The following EHBP1 variants were observed in gnomAD, a reference collection of about 807,000 sequenced individuals.
The protein encoded by EHBP1 is EH domain binding protein 1.
In EHBP1, 55 loss-of-function variants were observed where a neutral mutation model predicts 144.0. The observed-to-expected ratio is 0.38, with a 90% CI of 0.31 to 0.48. The LOEUF (loss-of-function observed/expected upper bound fraction) is 0.48. Among genes scored for constraint, EHBP1 ranks in the 20% least tolerant of loss-of-function variants. The pLI is 0.98. For missense variants in EHBP1, 1,200 were observed against 1,364.2 expected, an observed-to-expected ratio of 0.88 and a Z score of 1.90; for synonymous variants, 469 against 472.7, an observed-to-expected ratio of 0.99 and a Z score of 0.10.
At chr2:62,898,023 G>A (rs1197094663) in intron 10 of EHBP1, among the ~76,000 whole-genome samples, 1 of 152,118 alleles carries the variant, frequency 6.6e-6, no homozygotes, top group Non-Finnish European at 1.5e-5. Flanking sequence ...CTGAGCATGA[G>A]GACCAGAATA....
chr2:62,684,541 T>C (rs555098321), intron 1 of EHBP1, among the ~76,000 whole-genome samples: 1 of 152,206 alleles, frequency 6.6e-6, no homozygotes, highest in South Asian at 2.1e-4. Context: ...TTAGGAGCCA[T>C]GGATTTGATT....
intron 14 of EHBP1, chr2:62,955,953 C>T (rs1452691720): frequency 1.8e-5 from 4 of 224,540 alleles, no homozygotes; most frequent in Admixed American, 5.7e-5. Context: ...TAGTTGTACT[C>T]TAAGATTGTA....
chr2:63,021,613 T>G (rs1228179424), intron 19 of EHBP1, among the ~76,000 whole-genome samples: 1 of 152,200 alleles, frequency 6.6e-6, no homozygotes, highest in Non-Finnish European at 1.5e-5. Flanking sequence ...CCTAAGAAGA[T>G]TAACCAACAT....
chr2:62,780,364 G>A (rs2042340046), intron 5 of EHBP1, among the ~76,000 whole-genome samples: 1 of 152,042 alleles, frequency 6.6e-6, no homozygotes, highest in South Asian at 2.1e-4. Context: ...CTGGCTGTCT[G>A]TAAATTAGGC....
At chr2:62,828,593 G>A (rs1415642200) in intron 6 of EHBP1, among the ~76,000 whole-genome samples, 1 of 151,958 alleles carries the variant, frequency 6.6e-6, no homozygotes, top group African/African-American at 2.4e-5. Context: ...TGGCCCTGTT[G>A]GAAAAACAAT....
At chr2:62,943,964 A>T in intron 12 of EHBP1, 114 bp downstream of exon 12, 1 of 669,116 alleles carries the variant, frequency 1.5e-6, no homozygotes, top group Non-Finnish European at 2.5e-6. Flanking sequence ...CAACTCACAG[A>T]GGGTTGTCTG....
intron 3 of EHBP1, among the ~76,000 whole-genome samples, chr2:62,755,581 T>A (rs2040203253): frequency 6.6e-6 from 1 of 152,210 alleles, no homozygotes; most frequent in African/African-American, 2.4e-5. Context: ...CCACGCACTC[T>A]CACCAGCAAT....
intron 5 of EHBP1, among the ~76,000 whole-genome samples, chr2:62,821,399 T>C (rs1192349647): frequency 1.3e-5 from 2 of 152,130 alleles, no homozygotes; most frequent in Non-Finnish European, 2.9e-5. Flanking sequence ...TCTTAGAATA[T>C]GAATTAAAGC....
chr2:62,736,918 GATGTA>G (rs2038192506), intron 2 of EHBP1, among the ~76,000 whole-genome samples: 1 of 152,260 alleles, frequency 6.6e-6, no homozygotes, highest in Non-Finnish European at 1.5e-5. Context: ...TTGATAGCCA[GATGTA>G]ATGTACTGGG....
rs370145935 is a variant in EHBP1 at position 62,948,547 on chromosome 2, C to T, written c.1701C>T (p.Ser567=). 1.7e-4 allele frequency: 268 copies of T among 1,614,052 alleles called. No homozygotes were observed. Among genetic ancestry groups the T allele is most frequent in the Non-Finnish European group, 2.0e-4 (237 of 1,179,990 alleles). Residue 567 remains serine (S), a synonymous_variant, in exon 13 of 23, where the codon AGC becomes AGT. Transcript: ENST00000431489. ...AGCCTGAACTACAACAGCCTATCAG[C>T]GGAGCAGTAGACTTCTTATCACAGG... The part of the protein sequence containing the change: ...KREPELQQPI[S]GAVDFLSQDD...
At chr2:62,704,431 T>C (rs1352055395), upstream of EHBP1, among the ~76,000 whole-genome samples, 1 of 152,212 alleles carries the variant, frequency 6.6e-6, no homozygotes, top group Non-Finnish European at 1.5e-5. Flanking sequence ...TCTCTCTTCC[T>C]GTCCCTGAAA....
At chr2:62,829,585 G>A (rs1017717149) in intron 6 of EHBP1, among the ~76,000 whole-genome samples, 10 of 147,206 alleles carry the variant, frequency 6.8e-5, no homozygotes, top group African/African-American at 2.5e-4. Flanking sequence ...GTGTGTGTGT[G>A]TGTGTGTGTG....
chr2:62,810,605 T>C (rs2044913025), intron 5 of EHBP1, among the ~76,000 whole-genome samples: 1 of 152,214 alleles, frequency 6.6e-6, no homozygotes, highest in Non-Finnish European at 1.5e-5. Flanking sequence ...AATGGGCACT[T>C]GGGTGCTTAG....
chr2:62,856,773 T>C (rs2049096987), intron 7 of EHBP1, among the ~76,000 whole-genome samples: 1 of 152,268 alleles, frequency 6.6e-6, no homozygotes, highest in Non-Finnish European at 1.5e-5. Flanking sequence ...AGAATGGTGC[T>C]GATAGACTTG....
intron 20 of EHBP1, among the ~76,000 whole-genome samples, chr2:63,037,899 AT>A (rs941347874): frequency 3.8e-4 from 58 of 152,274 alleles, no homozygotes; most frequent in African/African-American, 1.4e-3. Context: ...TAAATCACTT[AT>A]ACAAGGAAAG....
chr2:62,676,559 C>A (rs376620376), intron 1 of EHBP1, among the ~76,000 whole-genome samples: 1 of 152,226 alleles, frequency 6.6e-6, no homozygotes, highest in Non-Finnish European at 1.5e-5. Flanking sequence ...GACACACCAG[C>A]CATGATCCTG....
At chr2:62,859,941 ATCT>A (rs1048137598) in intron 8 of EHBP1, among the ~76,000 whole-genome samples, 1 of 152,198 alleles carries the variant, frequency 6.6e-6, no homozygotes, top group Non-Finnish European at 1.5e-5. Context: ...TACTGTTTAC[ATCT>A]TTTTTTGACT....
At chr2:62,763,189 T>G (rs922007814) in intron 3 of EHBP1, among the ~76,000 whole-genome samples, 1 of 152,172 alleles carries the variant, frequency 6.6e-6, no homozygotes, top group Non-Finnish European at 1.5e-5. Flanking sequence ...TTGAAAAATA[T>G]TACCTTTTCT....
intron 4 of EHBP1, among the ~76,000 whole-genome samples, chr2:62,770,328 AAC>A (rs1451984317): frequency 1.3e-5 from 2 of 152,324 alleles, no homozygotes; most frequent in East Asian, 3.9e-4. Flanking sequence ...AAAAAAACAA[AAC>A]AACCCCATTA....
Sources: allele counts gnomAD v4.1 joint callset (sites outside exome capture counted in the v4.1 genomes callset), GRCh38; gene constraint gnomAD v4.1.1; transcripts MANE v1.5; gene names NCBI Gene and HGNC (gene_info 2026-07-23, HGNC 2026-07-21).